Variants in TSC22D1 observed in about 807,000 individuals in gnomAD.
TSC22D1 encodes TSC22 domain family protein 1.
In TSC22D1, 9 loss-of-function variants were observed where a neutral mutation model predicts 74.2. The observed-to-expected ratio is 0.12, with a 90% CI of 0.07 to 0.21. The LOEUF is 0.21. Among genes scored for constraint, TSC22D1 ranks in the 10% least tolerant of loss-of-function variants. The pLI, the probability that TSC22D1 is intolerant of heterozygous loss-of-function variation, is 1.00. For missense variants in TSC22D1, 1,427 were observed against 1,304.7 expected, an observed-to-expected ratio of 1.09 and a Z score of -1.44; for synonymous variants, 586 against 492.5, an observed-to-expected ratio of 1.19 and a Z score of -2.51.
intron 1 of TSC22D1, among the ~76,000 whole-genome samples, chr13:44,488,935 G>A (rs1351196014): frequency 3.9e-5 from 6 of 152,018 alleles, no homozygotes; most frequent in Non-Finnish European, 5.9e-5. Flanking sequence ...GTTTTATGAG[G>A]AACCATAAAA....
At chr13:44,457,590 A>C (rs180723195) in intron 1 of TSC22D1, among the ~76,000 whole-genome samples, 304 of 150,870 alleles carry the variant, frequency 2.0e-3, no homozygotes, top group African/African-American at 7.2e-3. Context: ...CTAAAGAAAC[A>C]GAAGAAAAAG....
Position 44,547,700 on chromosome 13 carries a change from T to C in TSC22D1, c.2912+25463A>G, listed in dbSNP as rs1023304980. 4.6e-5 allele frequency among the ~76,000 whole-genome samples: 7 copies of C among 152,182 alleles called. No homozygotes were observed. The South Asian group carries it at 8.3e-4, about 18-fold the overall frequency. On this transcript the variant is annotated intron_variant, in intron 1 of 2. Transcript: ENST00000458659. Reference sequence around the variant, plus strand: ...TGTATTAATACCTTCACTTACAAAGTTGGTTACAGGTAAATATTCATAACT... The same window carrying C: ...TGTATTAATACCTTCACTTACAAAGCTGGTTACAGGTAAATATTCATAACT...
chr13:44,551,389 G>GGTGGGGGTGTGTGTGTGT, intron 1 of TSC22D1, among the ~76,000 whole-genome samples: 1 of 125,306 alleles, frequency 8.0e-6, no homozygotes, highest in African/African-American at 3.1e-5. Flanking sequence ...CAATCAGATG[G>GGTGGGGGTGTGTGTGTGT]GTGTGTGTGT....
At chr13:44,474,471 A>G (rs1877782955) in intron 1 of TSC22D1, among the ~76,000 whole-genome samples, 1 of 152,200 alleles carries the variant, frequency 6.6e-6, no homozygotes, top group African/African-American at 2.4e-5. Flanking sequence ...TTATGTTTCA[A>G]GCATTTTAAA....
intron 1 of TSC22D1, among the ~76,000 whole-genome samples, chr13:44,475,972 G>GA (rs1484343596): frequency 6.6e-6 from 1 of 152,064 alleles, no homozygotes; most frequent in Admixed American, 6.5e-5. Flanking sequence ...ATGGCCAGAA[G>GA]AAAAAAATTA....
In TSC22D1 at chr13:44,568,868, G is replaced by A. The variant is rs566290635; in HGVS notation, c.2912+4295C>T. Among the ~76,000 whole-genome samples, 147 of 152,276 alleles carry A rather than the reference G, an allele frequency of 9.7e-4. 3 individuals are homozygous for A. The highest frequency in any genetic ancestry group is 4.8e-3 in the South Asian group (23 of 4,826). On this transcript the variant is annotated intron_variant, in intron 1 of 2. Transcript: ENST00000458659. ...CCCATTTCTATAATAGACAGGTGGG[G>A]ATGGAGCAGGGAAGCAGCCACAAAA...
intron 1 of TSC22D1, among the ~76,000 whole-genome samples, chr13:44,444,314 GAAAAGAAAAAGA>G (rs553081186): frequency 2.2e-5 from 2 of 89,340 alleles, no homozygotes; most frequent in Admixed American, 2.5e-4. Flanking sequence ...AAAAAGAAAA[GAAAAGAAAAAGA>G]AAAAAAAACA....
chr13:44,467,944 T>C (rs1877385723), intron 1 of TSC22D1, among the ~76,000 whole-genome samples: 1 of 152,144 alleles, frequency 6.6e-6, no homozygotes, highest in South Asian at 2.1e-4. Context: ...AGCACTCATA[T>C]GTTATCACAG....
chr13:44,572,653 T>C (rs1883848645), intron 1 of TSC22D1, among the ~76,000 whole-genome samples: 1 of 152,194 alleles, frequency 6.6e-6, no homozygotes, highest in African/African-American at 2.4e-5. Context: ...GCAACCTATA[T>C]AACCCAGATT....
At chr13:44,538,011 AAGAAAC>A (rs1881250052) in intron 1 of TSC22D1, 1 of 985,204 alleles carries the variant, frequency 1.0e-6, no homozygotes, top group South Asian at 4.7e-5. Context: ...ATACCAAAGA[AAGAAAC>A]AGAAACATTT....
intron 1 of TSC22D1, among the ~76,000 whole-genome samples, chr13:44,445,600 A>G (rs553781559): frequency 6.6e-6 from 1 of 152,298 alleles, no homozygotes; most frequent in Admixed American, 6.5e-5. Context: ...ACTATAGACC[A>G]GAATTAAGTA....
In TSC22D1 at chr13:44,573,618, A is replaced by G; in HGVS notation, c.2457T>C (p.Pro819=). 1 of 1,614,268 alleles carries G rather than the reference A, an allele frequency of 6.2e-7. No homozygotes were observed. Among genetic ancestry groups the G allele is most frequent in the Non-Finnish European group, 8.5e-7 (1 of 1,180,052 alleles). Residue 819 remains proline, a synonymous_variant, in exon 1 of 3, where the codon CCT becomes CCC. Coordinates refer to ENST00000458659, the MANE Select transcript of TSC22D1 (RefSeq NM_183422.4). The stretch of plus-strand genomic sequence containing the variant: ...TAGCAGAGGGCAAAGAACTAACTGC[A>G]GGCAACTGCTGTGAAACAATTCCTT... ...VAQGIVSQQL[P]AVSSLPSASS...
At chr13:44,544,082 G>A (rs540499493) in intron 1 of TSC22D1, among the ~76,000 whole-genome samples, 1 of 152,252 alleles carries the variant, frequency 6.6e-6, no homozygotes, top group East Asian at 1.9e-4. Context: ...GACACAGCAA[G>A]ACTCCGTCTC....
intron 1 of TSC22D1, among the ~76,000 whole-genome samples, chr13:44,517,837 AT>A (rs1880101845): frequency 5.5e-5 from 1 of 18,090 alleles, no homozygotes; most frequent in African/African-American, 1.1e-4. Flanking sequence ...GTGTATATAT[AT>A]ATATATATAT....
chr13:44,434,276 GGAGA>G lies in TSC22D1; in HGVS notation c.*346_*349del, dbSNP rs1874324816. ...CCATGTAGGACACTAAGCGCAAGCA[GGAGA>G]GAGAACCCTTGGAAGTGAGGGGTAG... On this transcript the variant is annotated 3_prime_UTR_variant, in exon 3 of 3. Transcript: ENST00000458659. 2.2e-6 allele frequency: 3 copies of G among 1,388,564 alleles called. No individual in the cohort carries two copies. The highest frequency in any genetic ancestry group is 3.6e-5 in the Admixed American group (1 of 27,856). 86.0% of individuals were successfully genotyped at this position (1,388,564 alleles called of 1,614,324 possible). A position where few individuals can be genotyped will look rare whatever the true frequency, so the allele number is the denominator to read the frequency against.
At chr13:44,576,684 G>A, upstream of TSC22D1, 1 of 152,766 alleles carries the variant, frequency 6.5e-6, no homozygotes, top group South Asian at 1.9e-4. Context: ...GCTCGCGGCG[G>A]CTGCTCGGTG....
intron 1 of TSC22D1, among the ~76,000 whole-genome samples, chr13:44,542,405 C>G (rs925607442): frequency 6.6e-6 from 1 of 151,988 alleles, no homozygotes; most frequent in Non-Finnish European, 1.5e-5. Context: ...AGGAACTTTA[C>G]GTTAAATGCA....
intron 1 of TSC22D1, among the ~76,000 whole-genome samples, chr13:44,445,534 T>C (rs991758732): frequency 7.2e-5 from 11 of 152,142 alleles, no homozygotes; most frequent in Non-Finnish European, 1.5e-5. Context: ...AATGGACTTT[T>C]ACCATAATGA....
At chr13:44,500,850 A>G (rs922837381) in intron 1 of TSC22D1, among the ~76,000 whole-genome samples, 2 of 152,028 alleles carry the variant, frequency 1.3e-5, no homozygotes, top group African/African-American at 4.8e-5. Context: ...ATGCCTGGCT[A>G]ATTTTTTTAT....
Sources: gnomAD v4.1 joint callset for allele counts (sites outside exome capture counted in the v4.1 genomes callset) on GRCh38, gnomAD v4.1.1 for gene constraint, MANE v1.5 for transcripts, NCBI Gene and HGNC (gene_info 2026-07-23, HGNC 2026-07-21) for gene names.